The following TMEM131L variants were observed in gnomAD, a reference collection of about 807,000 sequenced individuals.
The protein encoded by TMEM131L is transmembrane protein 131-like.
Under a neutral mutation model 192.2 loss-of-function variants are expected in TMEM131L, and 54 were observed. The observed-to-expected ratio is 0.28, with a 90% confidence interval of 0.23 to 0.35. The LOEUF is 0.35. Ranked by LOEUF, TMEM131L falls within the 10% of genes least tolerant of loss-of-function variation. TMEM131L has a pLI of 1.00. For synonymous variants in TMEM131L, 701 were observed against 704.9 expected (o/e 0.99, Z 0.09); for missense variants, 1,888 against 1,972.9 (o/e 0.96, Z 0.82).
chr4:153,497,380 A>T (rs1245621788), intron 3 of TMEM131L, among the ~76,000 whole-genome samples: 1 of 151,912 alleles, frequency 6.6e-6, no homozygotes, highest in East Asian at 1.9e-4. Flanking sequence ...ATTCTCCTCT[A>T]CCTTTTTCTG....
chr4:153,586,115 G>T, intron 13 of TMEM131L, 94 bp from the exon 14 acceptor site: 1 of 888,134 alleles, frequency 1.1e-6, no homozygotes, highest in South Asian at 2.4e-5. Flanking sequence ...CATACTTTCT[G>T]AAGTATAGAA....
intron 3 of TMEM131L, among the ~76,000 whole-genome samples, chr4:153,480,785 A>C (rs9998827): frequency 1.3e-5 from 2 of 152,168 alleles, no homozygotes; most frequent in Non-Finnish European, 2.9e-5. Context: ...AACATGGATC[A>C]TACCTTCTCC....
In TMEM131L at chr4:153,588,998, A is replaced by G. The variant is rs149514201; in HGVS notation, c.1661A>G (p.Asp554Gly). The change falls in exon 16 of 35, where the codon GAC becomes GGC. Residue 554 changes from aspartate (D) to glycine (G), a missense_variant. Physicochemically the swap from Asp to Gly is moderately conservative, Grantham distance 94 (BLOSUM62 -1). Coordinates refer to ENST00000409959, the MANE Select transcript of TMEM131L (RefSeq NM_001131007.2). ...YERWKKYKNG[D>G]VCKRNVLGTT... ...AGATGGAAGAAATATAAAAATGGTG[A>G]CGTCTGCAAGTACGTCTCCACTGTC... 2.0e-4 allele frequency: 311 copies of G among 1,546,466 alleles called. 1 individual carries two copies. In the Middle Eastern group the frequency reaches 6.9e-3, roughly 34 times the overall value.
chr4:153,506,572 G>A (rs1179617735), intron 3 of TMEM131L, among the ~76,000 whole-genome samples: 5 of 152,142 alleles, frequency 3.3e-5, no homozygotes, highest in Non-Finnish European at 7.3e-5. Flanking sequence ...GCCGGGTGCG[G>A]TGGCTCATGC....
chr4:153,611,278 A>T (rs895847988), intron 25 of TMEM131L, among the ~76,000 whole-genome samples: 12 of 152,214 alleles, frequency 7.9e-5, no homozygotes, highest in Non-Finnish European at 1.8e-4. Flanking sequence ...TCATCTTTAC[A>T]ACTGTCAAAC....
At chr4:153,519,962 G>A (rs1406832298) in intron 3 of TMEM131L, among the ~76,000 whole-genome samples, 2 of 152,180 alleles carry the variant, frequency 1.3e-5, no homozygotes, top group African/African-American at 2.4e-5. Context: ...CATCCTAAAT[G>A]CCAAGTGAAT....
chr4:153,618,904 T>G (rs6535930), intron 26 of TMEM131L, among the ~76,000 whole-genome samples: 1 of 152,068 alleles, frequency 6.6e-6, no homozygotes, highest in East Asian at 1.9e-4. Context: ...GGCCTGTTCT[T>G]TCTCAGCCAC....
intron 7 of TMEM131L, among the ~76,000 whole-genome samples, chr4:153,559,588 A>G (rs941617926): frequency 1.5e-4 from 23 of 152,124 alleles, no homozygotes; most frequent in Non-Finnish European, 2.9e-4. Flanking sequence ...AGAGAGCTAG[A>G]ACAGCGTACC....
rs545864927 is a variant in TMEM131L, at chr4:153,484,951, C to T, written c.239+11063C>T. Among the ~76,000 whole-genome samples the T allele has an allele frequency of 1.3e-3, 192 of 148,492 alleles. 2 individuals are homozygous for T. Among genetic ancestry groups the T allele is most frequent in the Non-Finnish European group, 2.3e-3 (151 of 66,864 alleles). The stretch of plus-strand genomic sequence containing the variant: ...TGGCTAACATGGTGAAACCCCGTCT[C>T]TACTAAAAATACAAAAAATTAGCTG... On this transcript the variant is annotated intron_variant, in intron 3 of 34. Transcript: ENST00000409959.
chr4:153,635,794 C>T (rs1270760973), intron 34 of TMEM131L, among the ~76,000 whole-genome samples: 1 of 152,194 alleles, frequency 6.6e-6, no homozygotes, highest in East Asian at 1.9e-4. Flanking sequence ...ATTCTGGCCA[C>T]CCCAAATGAA....
At chr4:153,530,024 T>A (rs1045708997) in intron 3 of TMEM131L, among the ~76,000 whole-genome samples, 7 of 151,530 alleles carry the variant, frequency 4.6e-5, no homozygotes, top group African/African-American at 1.7e-4. Flanking sequence ...TCTTGCCATC[T>A]CTGTTGTCCT....
intron 29 of TMEM131L, among the ~76,000 whole-genome samples, chr4:153,625,459 C>T (rs912800699): frequency 1.3e-5 from 2 of 152,000 alleles, no homozygotes; most frequent in Non-Finnish European, 1.5e-5. Context: ...GAAAGGCTAA[C>T]ATTAGTAGAA....
chr4:153,606,399 G>A (rs1394331858), intron 25 of TMEM131L, among the ~76,000 whole-genome samples: 1 of 152,198 alleles, frequency 6.6e-6, no homozygotes, highest in African/African-American at 2.4e-5. Flanking sequence ...CCGTGGCAGT[G>A]TGGTAGATGG....
chr4:153,596,163 A>C, intron 19 of TMEM131L, 95 bp from the exon 20 acceptor site: 2 of 1,419,474 alleles, frequency 1.4e-6, no homozygotes, highest in Non-Finnish European at 1.9e-6. Context: ...GGACATTAAA[A>C]GAGAAGCAAT....
intron 7 of TMEM131L, among the ~76,000 whole-genome samples, chr4:153,559,024 G>A (rs946481769): frequency 6.6e-6 from 1 of 152,156 alleles, no homozygotes; most frequent in Non-Finnish European, 1.5e-5. Context: ...AATATATTAT[G>A]AAACTTACCT....
intron 3 of TMEM131L, among the ~76,000 whole-genome samples, chr4:153,492,233 T>A (rs1732843136): frequency 6.6e-6 from 1 of 152,036 alleles, no homozygotes; most frequent in African/African-American, 2.4e-5. Context: ...CAGGCTGGCC[T>A]CAAACTCCTG....
Position 153,562,533 on chromosome 4 carries a change from C to G in TMEM131L, c.660+4165C>G, listed in dbSNP as rs192935467. On this transcript the variant is annotated intron_variant, in intron 7 of 34. Transcript: ENST00000409959. ...GTCAACTGTTCTTAGAAAGGAATGT[C>G]TTTATTTTGATATTCTACGGGTTTT... 2.0e-5 allele frequency among the ~76,000 whole-genome samples: 3 copies of G among 152,218 alleles called. No homozygotes were observed. The East Asian group carries it at 5.8e-4, about 29-fold the overall frequency.
intron 3 of TMEM131L, among the ~76,000 whole-genome samples, chr4:153,475,281 A>G (rs1731449780): frequency 1.3e-5 from 2 of 152,160 alleles, no homozygotes; most frequent in African/African-American, 2.4e-5. Flanking sequence ...TTGACAACTG[A>G]TAGATCATTC....
At chr4:153,531,827 C>G (rs1484335543) in intron 3 of TMEM131L, among the ~76,000 whole-genome samples, 2 of 152,176 alleles carry the variant, frequency 1.3e-5, no homozygotes, top group African/African-American at 4.8e-5. Context: ...GCTCTGGAAG[C>G]CAGGTGTTTT....
Sources: gnomAD v4.1 joint callset for allele counts (sites outside exome capture counted in the v4.1 genomes callset) on GRCh38, gnomAD v4.1.1 for gene constraint, MANE v1.5 for transcripts, NCBI Gene and HGNC (gene_info 2026-07-23, HGNC 2026-07-21) for gene names.